Variants in KHDRBS2 observed in about 807,000 individuals in gnomAD.
The protein encoded by KHDRBS2 is KH RNA binding domain containing, signal transduction associated 2, also known as KH domain-containing, RNA-binding, signal transduction-associated protein 2.
A neutral mutation model predicts 44.3 loss-of-function variants in KHDRBS2; 26 were observed. That is an observed-to-expected ratio of 0.59 (90% CI 0.43 to 0.81). The LOEUF (loss-of-function observed/expected upper bound fraction) is 0.81, where lower values mean the gene tolerates loss of function less well. Ranked by LOEUF, KHDRBS2 falls within the 40% of genes least tolerant of loss-of-function variation. KHDRBS2 has a pLI of 0.00. For missense variants in KHDRBS2, 476 were observed against 433.1 expected (o/e 1.10, Z -0.88); for synonymous variants, 194 against 151.1 (o/e 1.28, Z -2.08).
At chr6:62,138,562 C>T (rs1190455983) in intron 2 of KHDRBS2, among the ~76,000 whole-genome samples, 2 of 152,308 alleles carry the variant, frequency 1.3e-5, no homozygotes, top group African/African-American at 2.4e-5. Context: ...TACAGCGAGT[C>T]GCTCATATTG....
chr6:62,116,356 C>T (rs964333462), intron 2 of KHDRBS2, among the ~76,000 whole-genome samples: 3 of 152,020 alleles, frequency 2.0e-5, no homozygotes, highest in Non-Finnish European at 4.4e-5. Flanking sequence ...TTCCAACATC[C>T]CCCAGCCCTC....
intron 6 of KHDRBS2, among the ~76,000 whole-genome samples, chr6:61,833,450 T>A (rs1213176777): frequency 1.3e-5 from 2 of 152,194 alleles, no homozygotes; most frequent in Non-Finnish European, 2.9e-5. Flanking sequence ...AGAGTTTCTT[T>A]TCCTATATAA....
Position 62,181,029 on chromosome 6 carries a change from A to C in KHDRBS2, c.92-3717T>G, listed in dbSNP as rs868752976. Among the ~76,000 whole-genome samples the C allele has an allele frequency of 2.7e-3, 407 of 148,814 alleles. 3 individuals carry two copies. Among genetic ancestry groups the C allele is most frequent in the Middle Eastern group, 0.014 (4 of 282 alleles). On this transcript the variant is annotated intron_variant, in intron 1 of 8. Coordinates refer to ENST00000281156, the MANE Select transcript of KHDRBS2 (RefSeq NM_152688.4). ...TGGACTCTTCTCTTACACTGCACAAAAAAAAAAAAAATCAACTCAAAGTGA... is the reference window on the plus strand; with the variant it reads ...TGGACTCTTCTCTTACACTGCACAACAAAAAAAAAAATCAACTCAAAGTGA...
chr6:61,806,760 T>C (rs1787232879), intron 6 of KHDRBS2, among the ~76,000 whole-genome samples: 1 of 152,112 alleles, frequency 6.6e-6, no homozygotes, highest in Non-Finnish European at 1.5e-5. Flanking sequence ...AAAGGCCTAA[T>C]TTCTATAGAT....
intron 6 of KHDRBS2, among the ~76,000 whole-genome samples, chr6:61,741,409 G>GAAAT (rs1440878148): frequency 6.6e-6 from 1 of 151,836 alleles, no homozygotes; most frequent in African/African-American, 2.4e-5. Flanking sequence ...CATATTTTGG[G>GAAAT]AAATAAATAT....
intron 6 of KHDRBS2, among the ~76,000 whole-genome samples, chr6:61,848,745 C>T (rs1795020813): frequency 1.3e-5 from 2 of 149,760 alleles, no homozygotes; most frequent in Admixed American, 1.3e-4. Context: ...ATATTTATAT[C>T]TCTTTTATGA....
intron 6 of KHDRBS2, among the ~76,000 whole-genome samples, chr6:61,755,700 A>C (rs1778386647): frequency 6.6e-6 from 1 of 151,324 alleles, no homozygotes; most frequent in Admixed American, 6.6e-5. Flanking sequence ...AATCCTAGCT[A>C]CTTGGGAGGA....
intron 1 of KHDRBS2, among the ~76,000 whole-genome samples, chr6:62,245,199 C>T (rs539185100): frequency 6.6e-6 from 1 of 152,204 alleles, no homozygotes; most frequent in African/African-American, 2.4e-5. Context: ...GCTGCATTCT[C>T]TTTGTTTCTG....
chr6:61,619,585 G>A, the KHDRBS2 span, among the ~76,000 whole-genome samples: 1 of 152,118 alleles, frequency 6.6e-6, no homozygotes, highest in African/African-American at 2.4e-5. Context: ...CTCCCAAGTA[G>A]GTGGGATTAT....
Position 61,943,405 on chromosome 6 carries a change from G to GA in KHDRBS2, c.483+34660dup, listed in dbSNP as rs985697142. Among the ~76,000 whole-genome samples, 24 of 151,300 alleles carry GA rather than the reference G, an allele frequency of 1.6e-4. 1 individual carries two copies. Among genetic ancestry groups the GA allele is most frequent in the Admixed American group, 1.4e-3 (22 of 15,232 alleles). ...AAACCAAAGTGATAGACAATGAAAA[G>GA]AAAAAAAGGAACAAAGACTATAAGA... On this transcript the variant is annotated intron_variant, in intron 4 of 8. Transcript: ENST00000281156.
intron 8 of KHDRBS2, 72 bp downstream of exon 8, chr6:61,697,123 G>C (rs1046961556): frequency 1.0e-6 from 1 of 994,504 alleles, no homozygotes. Flanking sequence ...GAGAAAGATG[G>C]AAATAATGTT....
the KHDRBS2 span, among the ~76,000 whole-genome samples, chr6:61,559,663 A>G: frequency 1.3e-5 from 2 of 152,208 alleles, no homozygotes; most frequent in Non-Finnish European, 2.9e-5. Context: ...CATAACACTG[A>G]TTGCATAAAC....
chr6:61,863,920 T>A (rs1394347249), intron 6 of KHDRBS2, among the ~76,000 whole-genome samples: 3 of 152,210 alleles, frequency 2.0e-5, no homozygotes, highest in African/African-American at 7.2e-5. Context: ...GTAGTCTAAG[T>A]CTCTTTGTAG....
In KHDRBS2 at chr6:62,130,131, T is replaced by C. The variant is rs188826608; in HGVS notation, c.219+47054A>G. On this transcript the variant is annotated intron_variant, in intron 2 of 8. Coordinates refer to ENST00000281156, the MANE Select transcript of KHDRBS2 (RefSeq NM_152688.4). Reference sequence around the variant, plus strand: ...CTATGAAAACTAATTTATAAAGAAATAAAAGCAGGTGAAATCATTCATTTC... The same window carrying C: ...CTATGAAAACTAATTTATAAAGAAACAAAAGCAGGTGAAATCATTCATTTC... Among the ~76,000 whole-genome samples, 5 of 152,226 alleles carry C rather than the reference T, an allele frequency of 3.3e-5. No individual in the cohort carries two copies. In the East Asian group the frequency reaches 9.7e-4, roughly 29 times the overall value.
chr6:61,883,676 C>T (rs184805395), intron 6 of KHDRBS2, among the ~76,000 whole-genome samples: 63 of 151,984 alleles, frequency 4.1e-4, no homozygotes, highest in African/African-American at 1.3e-3. Flanking sequence ...ATTTACATAC[C>T]GCTACCTTTT....
At chr6:61,919,848 A>G (rs1157602481) in intron 4 of KHDRBS2, among the ~76,000 whole-genome samples, 3 of 151,906 alleles carry the variant, frequency 2.0e-5, no homozygotes, top group Non-Finnish European at 2.9e-5. Context: ...TGTAATATCT[A>G]CTATTCTACA....
the KHDRBS2 span, among the ~76,000 whole-genome samples, chr6:61,579,775 A>C: frequency 6.6e-6 from 1 of 152,084 alleles, no homozygotes; most frequent in Admixed American, 6.6e-5. Flanking sequence ...TGTGAAAGGC[A>C]GGCTGGGTGT....
At chr6:61,597,083 G>T in the KHDRBS2 span, among the ~76,000 whole-genome samples, 5 of 152,148 alleles carry the variant, frequency 3.3e-5, no homozygotes, top group South Asian at 4.1e-4. Flanking sequence ...CCTAGTTAAG[G>T]CATGATAGTC....
chr6:61,737,079 T>G (rs941648904), intron 6 of KHDRBS2, among the ~76,000 whole-genome samples: 1 of 152,080 alleles, frequency 6.6e-6, no homozygotes, highest in African/African-American at 2.4e-5. Flanking sequence ...AGATATGGAT[T>G]AACACAAATT....
Sources: gnomAD v4.1 joint callset for allele counts (sites outside exome capture counted in the v4.1 genomes callset) on GRCh38, gnomAD v4.1.1 for gene constraint, MANE v1.5 for transcripts, NCBI Gene and HGNC (gene_info 2026-07-23, HGNC 2026-07-21) for gene names.